NTMT1: variants seen among roughly 807,000 people sequenced by gnomAD.
The protein encoded by NTMT1 is N-terminal RCC1 methyltransferase.
Under a neutral mutation model 17.5 loss-of-function variants are expected in NTMT1, and 8 were observed. The ratio of observed to expected loss-of-function variants is 0.46; its 90% CI spans 0.27 to 0.82. NTMT1 has a LOEUF of 0.82. Ranked by LOEUF, NTMT1 falls within the 40% of genes least tolerant of loss-of-function variation. The pLI, the probability that NTMT1 is intolerant of heterozygous loss-of-function variation, is 0.15. For synonymous variants in NTMT1, 128 were observed against 126.8 expected (o/e 1.01, Z -0.06); for missense variants, 221 against 303.5 (o/e 0.73, Z 2.02).
chr9:129,613,183 G>T lies in NTMT1; in HGVS notation c.-55+4005G>T. 6.2e-7 allele frequency: 1 copy of T among 1,613,688 alleles called. No individual in the cohort carries two copies. Among genetic ancestry groups the T allele is most frequent in the Non-Finnish European group, 8.5e-7 (1 of 1,180,004 alleles). On this transcript the variant is annotated intron_variant, in intron 1 of 3. Coordinates refer to the NTMT1 transcript ENST00000372486. This position sits in a 1 kb window ranked among gnomAD's most constrained non-coding sequence, Gnocchi z 6.2. ...CCTCTGAGCAGCGGCCTTCTTCCAT[G>T]AACAGAAGGGCAGGCTGCTGTTCAT... is the stretch of plus-strand genomic sequence containing the variant.
chr9:129,620,675 C>G lies in NTMT1; in HGVS notation c.-55+11497C>G. 1 of 1,120,616 alleles carries G rather than the reference C, an allele frequency of 8.9e-7. No homozygotes were observed. Among genetic ancestry groups the G allele is most frequent in the South Asian group, 4.4e-5 (1 of 22,748 alleles). 69.4% of individuals were successfully genotyped at this position (1,120,616 alleles called of 1,614,324 possible). A position where few individuals can be genotyped will look rare whatever the true frequency, so the allele number is the denominator to read the frequency against. ...AGTCCAGCCCCAGGCCATAGTGCCC[C>G]GGGCGGGGCAGCGCGGTGCGGGGTG... On this transcript the variant is annotated intron_variant, in intron 1 of 3. Transcript: ENST00000372486. This position sits in a 1 kb window ranked among gnomAD's most constrained non-coding sequence, Gnocchi z 5.8.
At chr9:129,624,375 A>G (rs779632472), upstream of NTMT1, among the ~76,000 whole-genome samples, 3 of 152,210 alleles carry the variant, frequency 2.0e-5, no homozygotes, top group African/African-American at 4.8e-5. Context: ...GAAATTGCCC[A>G]GGATCAATCC....
rs578072587 is a variant in NTMT1, at chr9:129,610,300, GC to G, written c.-55+1132del. Among the ~76,000 whole-genome samples, 1,170 of 120,616 alleles carry G rather than the reference GC, an allele frequency of 9.7e-3. 24 individuals carry two copies. Among genetic ancestry groups the G allele is most frequent in the African/African-American group, 0.023 (723 of 31,140 alleles). 79.1% of individuals were successfully genotyped at this position (120,616 alleles called of 152,430 possible). On this transcript the variant is annotated intron_variant, in intron 1 of 3. Coordinates refer to the NTMT1 transcript ENST00000372486. ...GGGGCCAGGTCTCCCTGCAGGCCCC[GC>G]CCCCCCCCCACCGGCGTGGTGCCCC...
At chr9:129,622,285 A>G (rs4836661), upstream of NTMT1, among the ~76,000 whole-genome samples, 148,284 of 152,316 alleles carry the variant, frequency 0.97, 72,203 homozygotes, top group Middle Eastern at 0.99. Context: ...CTGAGGTCAG[A>G]AGTTCAATAC....
intron 1 of NTMT1, chr9:129,615,432 C>T (rs1278337765): frequency 6.6e-7 from 1 of 1,510,486 alleles, no homozygotes. Flanking sequence ...CCTCTCTGCC[C>T]TCCTGGCTAG....
At chr9:129,609,990 G>A (rs945092610) in intron 1 of NTMT1, among the ~76,000 whole-genome samples, 1 of 150,020 alleles carries the variant, frequency 6.7e-6, no homozygotes, top group Non-Finnish European at 1.5e-5. Flanking sequence ...TTTTGTCTGT[G>A]TACCGTGTGG....
chr9:129,630,709 CA>C (rs1831118671), intron 1 of NTMT1, among the ~76,000 whole-genome samples: 2 of 152,246 alleles, frequency 1.3e-5, no homozygotes, highest in Admixed American at 6.5e-5. Context: ...ACTTTGGCGA[CA>C]GGCATTTGCT....
chr9:129,634,805 T>G (rs1831425634), intron 3 of NTMT1: 1 of 248,942 alleles, frequency 4.0e-6, no homozygotes, highest in Non-Finnish European at 7.9e-6. Flanking sequence ...GGCCTTGTAT[T>G]TTGTGGTCTC....
chr9:129,624,279 A>G (rs956519266), upstream of NTMT1, among the ~76,000 whole-genome samples: 1 of 152,198 alleles, frequency 6.6e-6, no homozygotes, highest in Non-Finnish European at 1.5e-5. Context: ...TTGACAGGAA[A>G]TAAGACAGGG....
At chr9:129,615,614 C>A in intron 1 of NTMT1, 2 of 1,597,308 alleles carry the variant, frequency 1.3e-6, no homozygotes, top group Admixed American at 1.7e-5. Context: ...TCAGCGCAGC[C>A]TTGAGCCTGG....
At chr9:129,632,592 C>T (rs1831226608) in intron 1 of NTMT1, 58 bp from the exon 2 acceptor site, 1 of 1,307,468 alleles carries the variant, frequency 7.6e-7, no homozygotes. Flanking sequence ...GCCCTCTGCC[C>T]TGGGGGCCTT....
At chr9:129,612,998 A>G in intron 1 of NTMT1, 1 of 1,402,760 alleles carries the variant, frequency 7.1e-7, no homozygotes, top group Non-Finnish European at 9.7e-7. Flanking sequence ...GCTCTCAGGG[A>G]GGGTCCACTC....
intron 1 of NTMT1, among the ~76,000 whole-genome samples, chr9:129,617,132 T>C (rs1830433713): frequency 6.6e-6 from 1 of 152,218 alleles, no homozygotes; most frequent in Admixed American, 6.5e-5. Flanking sequence ...GACCCACCTA[T>C]AACTCTGTTA....
chr9:129,632,800 G>C lies in NTMT1; in HGVS notation c.97G>C (p.Gly33Arg). The change falls in exon 2 of 4, where the codon GGG (glycine) becomes CGG (arginine). Residue 33 changes from glycine (G) to arginine (R), a missense_variant. Coordinates refer to ENST00000372483, the MANE Select transcript of NTMT1 (RefSeq NM_014064.4). ...ACCCACGGTGGACGGCATGCTTGGG[G>C]GGTATGGCCACATCTCCAGCATCGA... ...IPPTVDGMLG[G>R]YGHISSIDIN... is the part of the protein sequence containing the mutation. 6.2e-7 allele frequency: 1 copy of C among 1,614,164 alleles called. No individual in the cohort carries two copies.
chr9:129,615,789 G>A (rs569646600), intron 1 of NTMT1: 12 of 961,118 alleles, frequency 1.2e-5, no homozygotes, highest in East Asian at 3.2e-5. Flanking sequence ...CACAGCAGCC[G>A]GCCTTAACGG....
chr9:129,627,813 A>C (rs1315616756), intron 1 of NTMT1, among the ~76,000 whole-genome samples: 1 of 152,202 alleles, frequency 6.6e-6, no homozygotes, highest in African/African-American at 2.4e-5. Context: ...AGGCTGCTAG[A>C]GGGTGGAGGT....
At chr9:129,634,363 C>T (rs1468178531) in intron 3 of NTMT1, 57 bp downstream of exon 3, 2 of 1,539,540 alleles carry the variant, frequency 1.3e-6, no homozygotes, top group African/African-American at 2.7e-5. Flanking sequence ...ACTCGCGTTC[C>T]CCATAAGGTG....
Position 129,620,302 on chromosome 9 carries a change from C to T in NTMT1, c.-55+11124C>T. 2 of 1,249,504 alleles carry T rather than the reference C, an allele frequency of 1.6e-6. No individual in the cohort carries two copies. The highest frequency in any genetic ancestry group is 2.0e-6 in the Non-Finnish European group (2 of 994,454). 77.4% of individuals were successfully genotyped at this position (1,249,504 alleles called of 1,614,324 possible). ...GGGACCGCAGCAGCCCCCGCTTCCG[C>T]ACGGCCCGCCGGGTCGCGGTGAGCA... On this transcript the variant is annotated intron_variant, in intron 1 of 3. Transcript: ENST00000372486. The surrounding 1 kb of genome is among the most constrained non-coding windows in gnomAD (Gnocchi z 5.8).
chr9:129,609,726 G>T (rs1020059125), intron 1 of NTMT1, among the ~76,000 whole-genome samples: 6 of 152,082 alleles, frequency 3.9e-5, no homozygotes, highest in African/African-American at 1.4e-4. Context: ...TGAATGCCTC[G>T]CTCCCTCTTC....
Sources: allele counts gnomAD v4.1 joint callset (sites outside exome capture counted in the v4.1 genomes callset), GRCh38; gene constraint gnomAD v4.1.1; non-coding constraint Gnocchi (gnomAD v3.1); transcripts MANE v1.5; gene names NCBI Gene and HGNC (gene_info 2026-07-23, HGNC 2026-07-21).